KCTD8: variants seen among roughly 807,000 people sequenced by gnomAD.
KCTD8 encodes the protein BTB/POZ domain-containing protein KCTD8.
A neutral mutation model predicts 31.5 loss-of-function variants in KCTD8; 27 were observed. The observed-to-expected ratio is 0.86, with a 90% CI of 0.63 to 1.18. The LOEUF (loss-of-function observed/expected upper bound fraction) is 1.18, where lower values mean the gene tolerates loss of function less well. KCTD8 is among the 50% of genes most tolerant of loss of function. The pLI is 0.00. For missense variants in KCTD8, 658 were observed against 647.7 expected (o/e 1.02, Z -0.17); for synonymous variants, 290 against 280.0 (o/e 1.04, Z -0.36).
At chr4:44,351,291 A>G (rs889856137) in intron 1 of KCTD8, among the ~76,000 whole-genome samples, 2 of 152,114 alleles carry the variant, frequency 1.3e-5, no homozygotes, top group Non-Finnish European at 2.9e-5. Flanking sequence ...TTAATAAATG[A>G]CGTTCTGGGG....
At chr4:44,221,686 C>A (rs1714813244) in intron 1 of KCTD8, among the ~76,000 whole-genome samples, 1 of 152,108 alleles carries the variant, frequency 6.6e-6, no homozygotes, top group Admixed American at 6.5e-5. Flanking sequence ...TATTTGAGGG[C>A]AGCAAGCATC....
chr4:44,426,809 A>G (rs796612920), intron 1 of KCTD8, among the ~76,000 whole-genome samples: 10 of 151,908 alleles, frequency 6.6e-5, no homozygotes, highest in African/African-American at 2.4e-4. Context: ...AAAACAGAGA[A>G]AGAAACAAAT....
intron 1 of KCTD8, among the ~76,000 whole-genome samples, chr4:44,429,865 T>G (rs12500265): frequency 0.84 from 127,970 of 151,520 alleles, 54,233 homozygotes; most frequent in South Asian, 0.9. Context: ...AGAAGGGACG[T>G]CAGATAAGAT....
intron 1 of KCTD8, among the ~76,000 whole-genome samples, chr4:44,235,743 T>A (rs1465109730): frequency 6.6e-6 from 1 of 151,412 alleles, no homozygotes; most frequent in Non-Finnish European, 1.5e-5. Context: ...ATATCATATA[T>A]CTCTCAATTA....
At chr4:44,416,899 A>G (rs559502693) in intron 1 of KCTD8, among the ~76,000 whole-genome samples, 1 of 152,224 alleles carries the variant, frequency 6.6e-6, no homozygotes, top group Non-Finnish European at 1.5e-5. Context: ...AATCTACTTC[A>G]GGGGAATCAC....
At chr4:44,206,725 G>C (rs12513343) in intron 1 of KCTD8, among the ~76,000 whole-genome samples, 4,897 of 152,206 alleles carry the variant, frequency 0.032, 106 homozygotes, top group Middle Eastern at 0.099. Context: ...CAGTTGCTAC[G>C]AGCTCAGGCT....
intron 1 of KCTD8, among the ~76,000 whole-genome samples, chr4:44,311,517 T>C (rs1009905331): frequency 6.6e-6 from 1 of 152,048 alleles, no homozygotes; most frequent in Non-Finnish European, 1.5e-5. Flanking sequence ...ATTCAAGTCA[T>C]CAGCAGATGC....
chr4:44,439,898 A>AC (rs1553908335), intron 1 of KCTD8, among the ~76,000 whole-genome samples: 12 of 97,542 alleles, frequency 1.2e-4, no homozygotes, highest in Non-Finnish European at 1.9e-4. Context: ...CCAATCATTT[A>AC]TTTTTATTTA....
At chr4:44,248,260 C>T (rs1307907166) in intron 1 of KCTD8, among the ~76,000 whole-genome samples, 3 of 151,424 alleles carry the variant, frequency 2.0e-5, no homozygotes, top group African/African-American at 4.8e-5. Context: ...TAGGAAATAC[C>T]CATACTAAAA....
At chr4:44,389,216 A>T (rs1044616908) in intron 1 of KCTD8, among the ~76,000 whole-genome samples, 1 of 151,814 alleles carries the variant, frequency 6.6e-6, no homozygotes, top group Non-Finnish European at 1.5e-5. Flanking sequence ...AGTATTTGAC[A>T]GCATAACAGA....
chr4:44,343,037 T>C (rs553811451), intron 1 of KCTD8, among the ~76,000 whole-genome samples: 35 of 152,238 alleles, frequency 2.3e-4, no homozygotes, highest in Non-Finnish European at 3.4e-4. Flanking sequence ...CTATCACTCA[T>C]GTGTCCAGTG....
chr4:44,193,809 A>G (rs74792431), intron 1 of KCTD8, among the ~76,000 whole-genome samples: 1 of 152,134 alleles, frequency 6.6e-6, no homozygotes, highest in Admixed American at 6.5e-5. Context: ...TTAGGTTGCA[A>G]TATCCTCTGA....
At chr4:44,437,455 A>G (rs927212381) in intron 1 of KCTD8, among the ~76,000 whole-genome samples, 1 of 152,180 alleles carries the variant, frequency 6.6e-6, no homozygotes, top group Non-Finnish European at 1.5e-5. Context: ...GAATAAATAT[A>G]AATGAACTGA....
At chr4:44,292,234 C>G (rs1288255623) in intron 1 of KCTD8, among the ~76,000 whole-genome samples, 2 of 151,910 alleles carry the variant, frequency 1.3e-5, no homozygotes, top group Non-Finnish European at 2.9e-5. Flanking sequence ...ACGTGCCCAT[C>G]GACAGTGGAC....
At chr4:44,311,891 G>A (rs527677467) in intron 1 of KCTD8, among the ~76,000 whole-genome samples, 1 of 149,970 alleles carries the variant, frequency 6.7e-6, no homozygotes, top group Admixed American at 6.8e-5. Flanking sequence ...GACTGAACTA[G>A]TACAGAGCTT....
intron 1 of KCTD8, among the ~76,000 whole-genome samples, chr4:44,418,747 G>C (rs903804124): frequency 3.9e-5 from 6 of 152,104 alleles, no homozygotes; most frequent in African/African-American, 9.7e-5. Context: ...ACCTCTTCAA[G>C]CCTCTGTCTT....
intron 1 of KCTD8, among the ~76,000 whole-genome samples, chr4:44,323,648 G>A (rs2109407748): frequency 6.6e-6 from 1 of 151,810 alleles, no homozygotes; most frequent in East Asian, 1.9e-4. Flanking sequence ...GAGAGCTGCT[G>A]GAAAAATGAA....
chr4:44,441,328 A>G (rs190229463), intron 1 of KCTD8, among the ~76,000 whole-genome samples: 246 of 152,286 alleles, frequency 1.6e-3, no homozygotes, highest in Non-Finnish European at 2.6e-3. Flanking sequence ...CAAAAGTGTT[A>G]AATGGACTCA....
chr4:44,434,775 T>C (rs972432346), intron 1 of KCTD8, among the ~76,000 whole-genome samples: 8 of 151,856 alleles, frequency 5.3e-5, no homozygotes, highest in Non-Finnish European at 8.8e-5. Context: ...CTTTACTCCA[T>C]AGGGAAAAGA....
Sources: gnomAD v4.1 joint callset for allele counts (sites outside exome capture counted in the v4.1 genomes callset) on GRCh38, gnomAD v4.1.1 for gene constraint, MANE v1.5 for transcripts, NCBI Gene and HGNC (gene_info 2026-07-23, HGNC 2026-07-21) for gene names.